Variants in SNTG2 observed in about 807,000 individuals in gnomAD.
SNTG2 encodes syntrophin gamma 2.
In SNTG2, 74 loss-of-function variants were observed where a neutral mutation model predicts 70.9. That is an observed-to-expected ratio of 1.04 (90% confidence interval 0.86 to 1.27). The LOEUF is 1.27. Ranked by LOEUF, SNTG2 falls within the 50% of genes most tolerant of loss-of-function variation. SNTG2 has a pLI of 0.00. For missense variants in SNTG2, 717 were observed against 690.7 expected, an observed-to-expected ratio of 1.04 and a Z score of -0.43; for synonymous variants, 278 against 273.8, an observed-to-expected ratio of 1.02 and a Z score of -0.15.
intron 14 of SNTG2, among the ~76,000 whole-genome samples, chr2:1,307,194 TTGTGTGTC>T (rs1680726046): frequency 2.2e-5 from 3 of 134,190 alleles, no homozygotes; most frequent in African/African-American, 8.7e-5. Context: ...GAGCCATGCA[TTGTGTGTC>T]TGTATGTCTG....
intron 1 of SNTG2, among the ~76,000 whole-genome samples, chr2:1,022,324 G>T (rs1022361624): frequency 4.0e-5 from 6 of 151,766 alleles, no homozygotes; most frequent in Non-Finnish European, 7.4e-5. Context: ...TTGCGCTCAC[G>T]TGAACCACCT....
intron 16 of SNTG2, among the ~76,000 whole-genome samples, chr2:1,361,419 C>T (rs1661140154): frequency 1.3e-5 from 2 of 152,018 alleles, no homozygotes; most frequent in African/African-American, 4.8e-5. Context: ...GTGCAATTAA[C>T]ACAGTGAGGT....
chr2:1,336,744 C>A (rs1659837224), intron 16 of SNTG2, among the ~76,000 whole-genome samples: 1 of 152,092 alleles, frequency 6.6e-6, no homozygotes, highest in Non-Finnish European at 1.5e-5. Flanking sequence ...GTTCTTGCCA[C>A]CCTTGTAAAG....
At chr2:1,267,299 C>T in intron 13 of SNTG2, 66 bp from the exon 14 acceptor site, 1 of 1,447,258 alleles carries the variant, frequency 6.9e-7, no homozygotes, top group Non-Finnish European at 9.5e-7. Context: ...CTCCCCACAC[C>T]AGGGCCCTCA....
intron 1 of SNTG2, among the ~76,000 whole-genome samples, chr2:1,041,032 C>T (rs1450714388): frequency 6.6e-6 from 1 of 152,146 alleles, no homozygotes; most frequent in Non-Finnish European, 1.5e-5. Flanking sequence ...AAGGGAATAC[C>T]TTTTGTCAGG....
chr2:1,252,902 T>C (rs1179576899), intron 12 of SNTG2, among the ~76,000 whole-genome samples: 2 of 152,222 alleles, frequency 1.3e-5, no homozygotes. Flanking sequence ...TACATCTAAA[T>C]ATTTATAATG....
chr2:1,285,999 C>T (rs1046442702), intron 14 of SNTG2, among the ~76,000 whole-genome samples: 1 of 152,214 alleles, frequency 6.6e-6, no homozygotes, highest in African/African-American at 2.4e-5. Context: ...TCTTGATACT[C>T]CAGGTCAATC....
At chr2:1,016,080 G>C (rs1659881950) in intron 1 of SNTG2, among the ~76,000 whole-genome samples, 1 of 151,844 alleles carries the variant, frequency 6.6e-6, no homozygotes, top group Admixed American at 6.6e-5. Context: ...GGATTAATTG[G>C]GGCTATCTCC....
At chr2:1,109,357 A>G (rs946720553) in intron 4 of SNTG2, among the ~76,000 whole-genome samples, 25 of 152,032 alleles carry the variant, frequency 1.6e-4, no homozygotes, top group African/African-American at 6.0e-4. Flanking sequence ...CATATAACAC[A>G]CAGAGAAAGG....
chr2:1,076,569 T>C (rs936956612), intron 1 of SNTG2, among the ~76,000 whole-genome samples: 1 of 152,256 alleles, frequency 6.6e-6, no homozygotes, highest in Non-Finnish European at 1.5e-5. Flanking sequence ...GTATATTCTG[T>C]TTTAGAATAG....
Position 1,239,791 on chromosome 2 carries a change from T to C in SNTG2, c.888+15T>C. ...CTTCCGACCAGGTAGGGTTTGTATT[T>C]TCTGCTTCATGATGTAACACATCAG... On this transcript the variant is annotated intron_variant, in intron 11 of 16. Transcript: ENST00000308624. 6.2e-7 allele frequency: 1 copy of C among 1,612,524 alleles called. No individual in the cohort carries two copies. The highest frequency in any genetic ancestry group is 2.2e-5 in the East Asian group (1 of 44,856).
chr2:1,236,853 A>G (rs1320704734), intron 9 of SNTG2, among the ~76,000 whole-genome samples: 1 of 152,152 alleles, frequency 6.6e-6, no homozygotes, highest in African/African-American at 2.4e-5. Flanking sequence ...TTAAAAAAAT[A>G]TGTTTGCTTT....
chr2:1,019,079 G>A (rs779523301), intron 1 of SNTG2, among the ~76,000 whole-genome samples: 1 of 152,214 alleles, frequency 6.6e-6, no homozygotes, highest in Admixed American at 6.5e-5. Context: ...GTGCTGTTAG[G>A]GGGGCAGCTG....
chr2:1,318,880 C>T (rs1208838735), intron 16 of SNTG2, among the ~76,000 whole-genome samples: 1 of 152,170 alleles, frequency 6.6e-6, no homozygotes, highest in Non-Finnish European at 1.5e-5. Flanking sequence ...GGGTTTCACG[C>T]CTGCGGTGTC....
intron 16 of SNTG2, among the ~76,000 whole-genome samples, chr2:1,362,321 A>G (rs1315019168): frequency 2.6e-5 from 4 of 152,116 alleles, no homozygotes; most frequent in Admixed American, 6.5e-5. Context: ...TGAGCATTTC[A>G]GTAGAACTTC....
At chr2:1,087,982 A>T (rs1386640825) in intron 2 of SNTG2, among the ~76,000 whole-genome samples, 1 of 152,216 alleles carries the variant, frequency 6.6e-6, no homozygotes, top group African/African-American at 2.4e-5. Context: ...TGGCTACTTT[A>T]TCTAAATTTA....
intron 1 of SNTG2, among the ~76,000 whole-genome samples, chr2:976,882 A>G (rs1034313645): frequency 6.6e-6 from 1 of 151,986 alleles, no homozygotes; most frequent in Non-Finnish European, 1.5e-5. Context: ...TGCTCAGTTT[A>G]CCCAGCAGCT....
chr2:972,754 A>G (rs1164315379), intron 1 of SNTG2, among the ~76,000 whole-genome samples: 1 of 151,282 alleles, frequency 6.6e-6, no homozygotes, highest in Non-Finnish European at 1.5e-5. Context: ...CCACCCCTTT[A>G]CTCTTGCTCC....
At chr2:1,092,520 T>A (rs756850177) in intron 2 of SNTG2, among the ~76,000 whole-genome samples, 2 of 152,248 alleles carry the variant, frequency 1.3e-5, no homozygotes, top group Non-Finnish European at 2.9e-5. Flanking sequence ...TAGAACTGAT[T>A]GAAATCTTTC....
Sources: allele counts gnomAD v4.1 joint callset (sites outside exome capture counted in the v4.1 genomes callset), GRCh38; gene constraint gnomAD v4.1.1; transcripts MANE v1.5; gene names NCBI Gene and HGNC (gene_info 2026-07-23, HGNC 2026-07-21).